HSPG2: variants seen among roughly 807,000 people sequenced by gnomAD.
HSPG2 encodes the protein heparan sulfate proteoglycan 2.
Under a neutral mutation model 526.6 loss-of-function variants are expected in HSPG2, and 278 were observed. The ratio of observed to expected loss-of-function variants is 0.53; its 90% confidence interval spans 0.48 to 0.58. HSPG2 has a LOEUF of 0.58. Among genes scored for constraint, HSPG2 ranks in the 20% least tolerant of loss-of-function variants. HSPG2 has a pLI of 0.00. For missense variants in HSPG2, 5,354 were observed against 6,099.5 expected, an observed-to-expected ratio of 0.88 and a Z score of 4.07; for synonymous variants, 2,465 against 2,555.4, an observed-to-expected ratio of 0.96 and a Z score of 1.07.
rs777075629 is a variant in HSPG2 at position 21,881,316 on chromosome 1, GGGTGGC to G, written c.1818+17_1818+22del. ...CCCACAGGAATTCTTTCCCCACCCAGGGTGGCAGCCCAGGCCCCTCACCTTGTTGCC... is the reference window on the plus strand; with the variant it reads ...CCCACAGGAATTCTTTCCCCACCCAGAGCCCAGGCCCCTCACCTTGTTGCC... On this transcript the variant is annotated intron_variant, in intron 14 of 96. Coordinates refer to ENST00000374695, the MANE Select transcript of HSPG2 (RefSeq NM_005529.7). 0.02 allele frequency: 28 copies of G among 1,434 alleles called. No homozygotes were observed. The Admixed American group carries it at 0.27, about 14-fold the overall frequency. The allele number at this position is 1,434 out of a possible 1,614,324, so 0.1% of individuals were successfully genotyped here.
At chr1:21,878,318 G>A (rs1462748328) in intron 20 of HSPG2, 65 bp from the exon 21 acceptor site, 2 of 1,587,900 alleles carry the variant, frequency 1.3e-6, no homozygotes, top group South Asian at 1.1e-5. Context: ...CGGGCAGATA[G>A]AGGAACAGTG....
rs780332894 is a variant in HSPG2 at position 21,842,816 on chromosome 1, TGGGCATGGGCCTGCCC to T, written c.8848_8863del (p.Gly2950ArgfsTer150). The T allele has an allele frequency of 6.2e-7, 1 of 1,613,784 alleles. No individual in the cohort carries two copies. Among genetic ancestry groups the T allele is most frequent in the African/African-American group, 1.3e-5 (1 of 74,922 alleles). ...GCCCCCGCGCTTGTACCACGTGACC[TGGGCATGGGCCTGCCC>T]GGGCACCACACAGTTCAGATCCAGA... On this transcript the variant is annotated frameshift_variant, in exon 67 of 97. Transcript: ENST00000374695. LOFTEE classifies it high-confidence loss of function.
chr1:21,854,182 T>C lies in HSPG2; in HGVS notation c.6439+11A>G. The stretch of plus-strand genomic sequence containing the variant: ...GGCTCAGCCCCGGCCCAGCCACACC[T>C]GGCTCCTCACCTGGGGTGTAGCTGG... On this transcript the variant is annotated intron_variant, in intron 50 of 96. Transcript: ENST00000374695. The C allele has an allele frequency of 6.4e-7, 1 of 1,572,910 alleles. No individual in the cohort carries two copies. The highest frequency in any genetic ancestry group is 8.6e-7 in the Non-Finnish European group (1 of 1,157,000).
rs1295813642 is a variant in HSPG2, at chr1:21,841,131, A to G, written c.9483T>C (p.Tyr3161=). 14 of 1,612,906 alleles carry G rather than the reference A, an allele frequency of 8.7e-6. No homozygotes were observed. The Admixed American group carries it at 2.0e-4, about 23-fold the overall frequency. Residue 3161 remains tyrosine, a synonymous_variant, in exon 71 of 97, where the codon TAT becomes TAC. Transcript: ENST00000374695. Reference sequence around the variant, plus strand: ...GCACCGCGTGGCTGTCCATGAGCCCATATGTCCGCTGCTCCAACTTGGCAG... The same window carrying G: ...GCACCGCGTGGCTGTCCATGAGCCCGTATGTCCGCTGCTCCAACTTGGCAG... The part of the protein sequence containing the change: ...STPAKLEQRT[Y]GLMDSHAVLQ...
intron 1 of HSPG2, among the ~76,000 whole-genome samples, chr1:21,922,905 T>G (rs1644082912): frequency 6.6e-6 from 1 of 151,902 alleles, no homozygotes; most frequent in Non-Finnish European, 1.5e-5. Flanking sequence ...ATTAACCCTT[T>G]CCTCCCATTT....
At chr1:21,888,571 G>T in intron 6 of HSPG2, 2 of 864,682 alleles carry the variant, frequency 2.3e-6, no homozygotes, top group Non-Finnish European at 3.2e-6. Flanking sequence ...CTCCCAAAGT[G>T]CTGGGGTTAC....
At chr1:21,863,060 C>CAAAAAAAAAAAAAAAAAAAAAAAAA (rs60890297) in intron 37 of HSPG2, among the ~76,000 whole-genome samples, 3 of 31,234 alleles carry the variant, frequency 9.6e-5, no homozygotes, top group African/African-American at 1.5e-4. Context: ...GACTCCATCT[C>CAAAAAAAAAAAAAAAAAAAAAAAAA]AAAAAAAAAA....
At position 21,834,941 on chromosome 1, in the gene HSPG2, C is replaced by A; in HGVS notation, c.10458G>T (p.Leu3486=). 1 of 1,611,972 alleles carries A rather than the reference C, an allele frequency of 6.2e-7. No individual in the cohort carries two copies. Among genetic ancestry groups the A allele is most frequent in the Non-Finnish European group, 8.5e-7 (1 of 1,179,992 alleles). Residue 3486 remains leucine (L), a synonymous_variant, in exon 77 of 97, where the codon CTG becomes CTT. Coordinates refer to ENST00000374695, the MANE Select transcript of HSPG2 (RefSeq NM_005529.7). ...QASAQLVIQA[L]PSVLINIRTS... is the part of the protein sequence containing the mutation. Reference sequence around the variant, plus strand: ...TCCGGATGTTGATGAGCACCGAGGGCAGGGCTGGGGAGGAGGGAGGCAGAG... The same window carrying A: ...TCCGGATGTTGATGAGCACCGAGGGAAGGGCTGGGGAGGAGGGAGGCAGAG...
rs1325317475 is a variant in HSPG2 at position 21,843,393 on chromosome 1, A to T, written c.8662T>A (p.Ser2888Thr). 1 of 1,613,820 alleles carries T rather than the reference A, an allele frequency of 6.2e-7. No homozygotes were observed. The highest frequency in any genetic ancestry group is 8.5e-7 in the Non-Finnish European group (1 of 1,179,974). ...GTCACTTGGCACGAGTACTCGCCAG[A>T]GTCAGCCGGGGACACCTGGTTCAGC... ...LRLNQVSPAD[S>T]GEYSCQVTGS... The change falls in exon 66 of 97, where the codon TCT (serine) becomes ACT (threonine). Residue 2888 changes from serine (S) to threonine (T), a missense_variant. Transcript: ENST00000374695.
In HSPG2 at chr1:21,876,624, TCATTG is replaced by T; in HGVS notation, c.2709_2713del (p.Cys903Ter). On this transcript the variant is annotated stop_gained and frameshift_variant, in exon 22 of 97. Coordinates refer to ENST00000374695, the MANE Select transcript of HSPG2 (RefSeq NM_005529.7). LOFTEE classifies it high-confidence loss of function. The stretch of plus-strand genomic sequence containing the variant: ...CAGGTGGAAAGAGCCGTCAGCACAT[TCATTG>T]CACAAGCGCCCCACCACATTGTTCT... 6.2e-7 allele frequency: 1 copy of T among 1,614,206 alleles called. No homozygotes were observed.
rs541670434 is a variant in HSPG2, at chr1:21,872,954, G to T, written c.3888+43C>A. On this transcript the variant is annotated intron_variant, in intron 31 of 96. Transcript: ENST00000374695. The surrounding 1 kb of genome is among the most constrained non-coding windows in gnomAD (Gnocchi z 5.5). ...CTGATTTCCCCGCAGGGTCTGGGCAGCGGGGCAGAGCAGGCCCCGCAGGGA... is the reference window on the plus strand; with the variant it reads ...CTGATTTCCCCGCAGGGTCTGGGCATCGGGGCAGAGCAGGCCCCGCAGGGA... 1.3e-6 allele frequency: 2 copies of T among 1,586,146 alleles called. No individual in the cohort carries two copies. The highest frequency in any genetic ancestry group is 2.2e-5 in the East Asian group (1 of 44,744).
intron 78 of HSPG2, 36 bp downstream of exon 78, chr1:21,833,780 C>A: frequency 6.5e-7 from 1 of 1,534,340 alleles, no homozygotes; most frequent in East Asian, 2.4e-5. Context: ...TCCCAGCCCC[C>A]AAGTCATGCC....
rs550548529 is a variant in HSPG2 at position 21,885,225 on chromosome 1, G to A, written c.1211-68C>T. On this transcript the variant is annotated intron_variant, in intron 10 of 96. Coordinates refer to ENST00000374695, the MANE Select transcript of HSPG2 (RefSeq NM_005529.7). ...AGGAGGAGCGGAAGGAGGGCTCCGAGGGGCTAGGAGGGAGAAGGGTGGAGG... is the reference window on the plus strand; with the variant it reads ...AGGAGGAGCGGAAGGAGGGCTCCGAAGGGCTAGGAGGGAGAAGGGTGGAGG... 6.9e-6 allele frequency: 11 copies of A among 1,603,796 alleles called. No individual in the cohort carries two copies. In the East Asian group the frequency reaches 2.0e-4, roughly 29 times the overall value.
intron 1 of HSPG2, among the ~76,000 whole-genome samples, chr1:21,924,215 C>T (rs183380139): frequency 1.3e-4 from 20 of 152,268 alleles, no homozygotes; most frequent in African/African-American, 4.6e-4. Context: ...CAGGGAATAG[C>T]CAGGCGCAGA....
chr1:21,829,755 GC>G (rs1313587135), intron 86 of HSPG2, 151 bp from the exon 87 acceptor site: 2 of 734,818 alleles, frequency 2.7e-6, no homozygotes, highest in Non-Finnish European at 2.2e-6. Flanking sequence ...TGGCACAGGA[GC>G]CCCCCTGCCC....
Position 21,848,843 on chromosome 1 carries a change from G to T in HSPG2, c.7586-49C>A. The T allele has an allele frequency of 2.5e-6, 4 of 1,613,152 alleles. No individual in the cohort carries two copies. The South Asian group carries it at 3.3e-5, about 13-fold the overall frequency. On this transcript the variant is annotated intron_variant, in intron 58 of 96. Coordinates refer to ENST00000374695, the MANE Select transcript of HSPG2 (RefSeq NM_005529.7). The surrounding 1 kb of genome is among the most constrained non-coding windows in gnomAD (Gnocchi z 4.9). ...GGGTGTGGGAGCTGCTGAGGGTGCA[G>T]TCGGGGTCCCCCAGCCCTCCACCAT...
Position 21,885,446 on chromosome 1 carries a change from T to C in HSPG2, c.1084A>G (p.Lys362Glu), listed in dbSNP as rs150181704. 3.1e-6 allele frequency: 5 copies of C among 1,614,016 alleles called. No individual in the cohort carries two copies. The highest frequency in any genetic ancestry group is 3.4e-6 in the Non-Finnish European group (4 of 1,179,988). ...DRTDEANCPT[K>E]RPEEVCGPTQ... ...GGCCCGCACACTTCCTCAGGACGCTTGGTGGCTGGGGACAAAGCCAGGTGG... is the reference window on the plus strand; with the variant it reads ...GGCCCGCACACTTCCTCAGGACGCTCGGTGGCTGGGGACAAAGCCAGGTGG... The change falls in exon 10 of 97, where the codon AAG (lysine) becomes GAG (glutamate). Residue 362 changes from lysine to glutamate, a missense_variant. Lys to Glu is a moderately conservative substitution (Grantham distance 56). Coordinates refer to ENST00000374695, the MANE Select transcript of HSPG2 (RefSeq NM_005529.7).
chr1:21,874,837 G>T, intron 26 of HSPG2, 54 bp downstream of exon 26: 7 of 1,533,254 alleles, frequency 4.6e-6, no homozygotes, highest in Non-Finnish European at 6.3e-6. Flanking sequence ...TGGAGAAGGA[G>T]CGGGAAGCAC....
In HSPG2 at chr1:21,885,497, C is replaced by G. The variant is rs764983104; in HGVS notation, c.1079-46G>C. 7 of 1,610,764 alleles carry G rather than the reference C, an allele frequency of 4.3e-6. No homozygotes were observed. The South Asian group carries it at 6.6e-5, about 15-fold the overall frequency. ...TTCCCAATAGCCCACCCCGTCCATC[C>G]TCCCTGGGCATCCCCAGGGCCACTC... On this transcript the variant is annotated intron_variant, in intron 9 of 96. Coordinates refer to ENST00000374695, the MANE Select transcript of HSPG2 (RefSeq NM_005529.7).
Sources: gnomAD v4.1 joint callset for allele counts (sites outside exome capture counted in the v4.1 genomes callset) on GRCh38, gnomAD v4.1.1 for gene constraint, Gnocchi (gnomAD v3.1) non-coding constraint, MANE v1.5 for transcripts, NCBI Gene and HGNC (gene_info 2026-07-23, HGNC 2026-07-21) for gene names.